The following DCBLD1 variants were observed in gnomAD, a reference collection of about 807,000 sequenced individuals.
DCBLD1 encodes the protein discoidin, CUB and LCCL domain containing 1.
A neutral mutation model predicts 71.5 loss-of-function variants in DCBLD1; 57 were observed. The observed-to-expected ratio is 0.80, with a 90% CI of 0.64 to 0.99. The LOEUF is 0.99. Among genes scored for constraint, DCBLD1 ranks in the 50% least tolerant of loss-of-function variants. The pLI is 0.00. For synonymous variants in DCBLD1, 380 were observed against 363.8 expected, an observed-to-expected ratio of 1.04 and a Z score of -0.51; for missense variants, 891 against 923.5, an observed-to-expected ratio of 0.96 and a Z score of 0.46.
intron 5 of DCBLD1, among the ~76,000 whole-genome samples, chr6:117,529,975 G>A (rs1778662215): frequency 6.6e-6 from 1 of 152,232 alleles, no homozygotes. Flanking sequence ...TCGTTGGCCT[G>A]TGAACCTGTC....
In DCBLD1 at chr6:117,548,253, G is replaced by T; in HGVS notation, c.1962G>T (p.Arg654Ser). 1 of 1,550,628 alleles carries T rather than the reference G, an allele frequency of 6.4e-7. No individual in the cohort carries two copies. Among genetic ancestry groups the T allele is most frequent in the African/African-American group, 1.4e-5 (1 of 73,186 alleles). The change falls in exon 15 of 15, where the codon AGG becomes AGT. Residue 654 changes from arginine (R) to serine (S), a missense_variant. Coordinates refer to ENST00000338728, the MANE Select transcript of DCBLD1 (RefSeq NM_001366458.2). ...GCGCCCAGGACGGAGACTATCAAAG[G>T]CCACACAGCGCACAGCCTGCGGACA... ...GVGAQDGDYQ[R>S]PHSAQPADRG...
At chr6:117,544,896 C>T (rs1040511976) in intron 13 of DCBLD1, among the ~76,000 whole-genome samples, 2 of 151,520 alleles carry the variant, frequency 1.3e-5, no homozygotes, top group Admixed American at 6.6e-5. Context: ...CTGAAGTAGG[C>T]CCGTGTTGTT....
chr6:117,517,520 C>CT (rs2114478982), intron 2 of DCBLD1, among the ~76,000 whole-genome samples: 1 of 152,324 alleles, frequency 6.6e-6, no homozygotes, highest in South Asian at 2.1e-4. Flanking sequence ...AGTAGGTACT[C>CT]TGTGTGGGGG....
chr6:117,499,428 A>G (rs1249982236), intron 1 of DCBLD1, among the ~76,000 whole-genome samples: 2 of 151,708 alleles, frequency 1.3e-5, no homozygotes, highest in African/African-American at 2.4e-5. Flanking sequence ...AAAAAAAAAG[A>G]GAAAAAGCAT....
chr6:117,487,521 T>C (rs997558402), intron 1 of DCBLD1, among the ~76,000 whole-genome samples: 1 of 152,056 alleles, frequency 6.6e-6, no homozygotes, highest in Non-Finnish European at 1.5e-5. Context: ...CTACTCGGGA[T>C]GCTGAGGTGG....
At chr6:117,532,986 CA>C (rs1203451483) in intron 6 of DCBLD1, among the ~76,000 whole-genome samples, 1 of 152,196 alleles carries the variant, frequency 6.6e-6, no homozygotes, top group African/African-American at 2.4e-5. Context: ...CAGATTTCCT[CA>C]GCCATTAGAA....
At chr6:117,565,236 A>T (rs937167233) in intron 14 of DCBLD1, among the ~76,000 whole-genome samples, 1 of 152,224 alleles carries the variant, frequency 6.6e-6, no homozygotes, top group African/African-American at 2.4e-5. Context: ...ATGGCTTTGT[A>T]GATGATAGCT....
intron 3 of DCBLD1, among the ~76,000 whole-genome samples, chr6:117,521,033 A>T (rs563914881): frequency 1.8e-4 from 27 of 152,302 alleles, no homozygotes; most frequent in African/African-American, 6.0e-4. Flanking sequence ...TCTTTTTTAA[A>T]ATGCTTTGTC....
chr6:117,554,888 T>C lies in DCBLD1; in HGVS notation c.1615+9291T>C, dbSNP rs927355256. Among the ~76,000 whole-genome samples, 5 of 82,186 alleles carry C rather than the reference T, an allele frequency of 6.1e-5. No homozygotes were observed. The South Asian group carries it at 2.1e-3, about 34-fold the overall frequency. The allele number at this position is 82,186 out of a possible 152,430, so 53.9% of individuals were successfully genotyped here. ...AGCCTGGCAACAGAGCGAGACTCAG[T>C]TGCAAAAAAAAAAAAAAAATCTTTT... On this transcript the variant is annotated intron_variant, in intron 14 of 14. Transcript: ENST00000296955.
chr6:117,565,944 T>C (rs1239535995), intron 14 of DCBLD1, among the ~76,000 whole-genome samples: 1 of 152,182 alleles, frequency 6.6e-6, no homozygotes, highest in East Asian at 1.9e-4. Flanking sequence ...GCTTTATGCA[T>C]ACTTCCCATC....
chr6:117,542,090 C>T (rs1029868135), intron 11 of DCBLD1, among the ~76,000 whole-genome samples: 3 of 151,902 alleles, frequency 2.0e-5, no homozygotes, highest in African/African-American at 4.8e-5. Context: ...CTCAGGAGTC[C>T]GAGACCAGCC....
intron 14 of DCBLD1, among the ~76,000 whole-genome samples, chr6:117,565,035 A>G (rs1191542825): frequency 6.6e-6 from 1 of 152,192 alleles, no homozygotes; most frequent in African/African-American, 2.4e-5. Context: ...GATTATAGCT[A>G]CTGATGTTTC....
chr6:117,561,287 A>C (rs964518992), intron 14 of DCBLD1: 1 of 224,136 alleles, frequency 4.5e-6, no homozygotes, highest in Non-Finnish European at 8.9e-6. Context: ...CTCTTCATAC[A>C]CTTATTCGGT....
intron 4 of DCBLD1, among the ~76,000 whole-genome samples, chr6:117,523,196 A>C (rs1778440038): frequency 6.6e-6 from 1 of 152,218 alleles, no homozygotes; most frequent in Non-Finnish European, 1.5e-5. Flanking sequence ...ATCCAAGCTT[A>C]CAGGGTGGCA....
Position 117,548,001 on chromosome 6 carries a change from G to T in DCBLD1, c.1710G>T (p.Val570=). 14 of 1,550,486 alleles carry T rather than the reference G, an allele frequency of 9.0e-6. No individual in the cohort carries two copies. Among genetic ancestry groups the T allele is most frequent in the Non-Finnish European group, 1.1e-5 (13 of 1,146,920 alleles). The change falls in exon 15 of 15, where the codon GTG becomes GTT. Residue 570 remains valine (V), a synonymous_variant. Coordinates refer to ENST00000338728, the MANE Select transcript of DCBLD1 (RefSeq NM_001366458.2). ...PMDTDAEEAG[V]STDAGGHYDC... is the part of the protein sequence containing the mutation. ...ACACGGATGCCGAGGAGGCAGGGGT[G>T]AGCACCGATGCCGGCGGCCACTATG...
chr6:117,543,275 T>C, intron 12 of DCBLD1, 64 bp downstream of exon 12: 1 of 1,424,668 alleles, frequency 7.0e-7, no homozygotes, highest in Admixed American at 1.7e-5. Flanking sequence ...AACCAAAAAG[T>C]TTATTCTTCA....
At position 117,519,931 on chromosome 6, in the gene DCBLD1, T is replaced by C. The variant is rs559021325; in HGVS notation, c.441T>C (p.Tyr147=). ...CTGGCCGGGGTTTTTTGCTGACCTA[T>C]GCGAGCAGCGACCATCCAGGTATAA... The part of the protein sequence containing the change: ...HISGRGFLLT[Y]ASSDHPDLIT... The change falls in exon 3 of 15, where the codon TAT becomes TAC. Residue 147 remains tyrosine (Y), a synonymous_variant. Coordinates refer to ENST00000338728, the MANE Select transcript of DCBLD1 (RefSeq NM_001366458.2). 4.3e-6 allele frequency: 7 copies of C among 1,614,100 alleles called. No individual in the cohort carries two copies. The African/African-American group carries it at 6.7e-5, about 15-fold the overall frequency.
intron 14 of DCBLD1, chr6:117,563,228 C>T: frequency 6.2e-7 from 1 of 1,603,716 alleles, no homozygotes; most frequent in African/African-American, 1.3e-5. Flanking sequence ...GTCTGATTAA[C>T]AATCTTGTCT....
At position 117,519,842 on chromosome 6, in the gene DCBLD1, C is replaced by G. The variant is rs1414583754; in HGVS notation, c.352C>G (p.Pro118Ala). The stretch of plus-strand genomic sequence containing the variant: ...TCCATACTGTGGAAGTATGACTGTT[C>G]CCAAAGAACTCTTGTTGAACACAAG... Reference protein sequence around the residue: ...YGPYCGSMTVPKELLLNTSEV... With the variant: ...YGPYCGSMTVAKELLLNTSEV... Residue 118 changes from proline (P) to alanine (A), a missense_variant, in exon 3 of 15, where the codon CCC (proline) becomes GCC (alanine). Physicochemically the swap from Pro to Ala is conservative, Grantham distance 27. Coordinates refer to ENST00000338728, the MANE Select transcript of DCBLD1 (RefSeq NM_001366458.2). 6.2e-7 allele frequency: 1 copy of G among 1,613,916 alleles called. No homozygotes were observed.
Sources: gnomAD v4.1 joint callset for allele counts (sites outside exome capture counted in the v4.1 genomes callset) on GRCh38, gnomAD v4.1.1 for gene constraint, MANE v1.5 for transcripts, NCBI Gene and HGNC (gene_info 2026-07-23, HGNC 2026-07-21) for gene names.